NCKAP5: variants seen among roughly 807,000 people sequenced by gnomAD.
NCKAP5 encodes the protein NCK associated protein 5.
NCKAP5 carries 92 observed loss-of-function variants against 167.0 expected under a neutral mutation model. The observed-to-expected ratio is 0.55, with a 90% CI of 0.47 to 0.66. The LOEUF (loss-of-function observed/expected upper bound fraction) is 0.66, where lower values mean the gene tolerates loss of function less well. Among genes scored for constraint, NCKAP5 ranks in the 30% least tolerant of loss-of-function variants. The pLI is 0.00. For synonymous variants in NCKAP5, 891 were observed against 877.4 expected, an observed-to-expected ratio of 1.02 and a Z score of -0.27; for missense variants, 2,378 against 2,315.0, an observed-to-expected ratio of 1.03 and a Z score of -0.56.
chr2:132,921,773 C>T (rs1695451318), intron 8 of NCKAP5, among the ~76,000 whole-genome samples: 1 of 152,132 alleles, frequency 6.6e-6, no homozygotes, highest in Admixed American at 6.5e-5. Flanking sequence ...AGTCACTGTT[C>T]CTGTGATTTG....
the NCKAP5 span, among the ~76,000 whole-genome samples, chr2:133,670,268 T>C: frequency 6.6e-6 from 1 of 152,226 alleles, no homozygotes; most frequent in Non-Finnish European, 1.5e-5. Context: ...GGGCTTATAA[T>C]AAGCCCTCAG....
chr2:133,240,368 T>A (rs2087627360), intron 4 of NCKAP5, among the ~76,000 whole-genome samples: 1 of 152,160 alleles, frequency 6.6e-6, no homozygotes, highest in Non-Finnish European at 1.5e-5. Flanking sequence ...ATCACAGAAG[T>A]GACAAAACTT....
intron 17 of NCKAP5, among the ~76,000 whole-genome samples, chr2:132,729,401 T>C (rs1236302546): frequency 6.6e-6 from 1 of 152,210 alleles, no homozygotes; most frequent in East Asian, 1.9e-4. Context: ...TCCTCAAACA[T>C]AGGGAACCCC....
At chr2:132,939,258 C>T (rs1697097091) in intron 8 of NCKAP5, among the ~76,000 whole-genome samples, 1 of 152,194 alleles carries the variant, frequency 6.6e-6, no homozygotes, top group South Asian at 2.1e-4. Context: ...GGGCAGTACA[C>T]TATAATTAGA....
At chr2:133,148,862 C>T (rs1421247958) in intron 5 of NCKAP5, among the ~76,000 whole-genome samples, 1 of 152,116 alleles carries the variant, frequency 6.6e-6, no homozygotes, top group African/African-American at 2.4e-5. Context: ...ATGAGAGTTT[C>T]AACATTCGAA....
intron 3 of NCKAP5, among the ~76,000 whole-genome samples, chr2:133,345,136 T>C (rs1683879526): frequency 6.6e-6 from 1 of 152,048 alleles, no homozygotes; most frequent in Admixed American, 6.6e-5. Flanking sequence ...GCTCTCCCTA[T>C]TTCTGAAGGT....
chr2:133,406,124 T>A (rs1283239470), intron 3 of NCKAP5, among the ~76,000 whole-genome samples: 1 of 152,168 alleles, frequency 6.6e-6, no homozygotes, highest in East Asian at 1.9e-4. Context: ...CATCAATAAG[T>A]CAACAGCAGT....
intron 8 of NCKAP5, among the ~76,000 whole-genome samples, chr2:132,879,629 C>T (rs1691593509): frequency 6.6e-6 from 1 of 152,190 alleles, no homozygotes; most frequent in Admixed American, 6.5e-5. Context: ...CCTCAGGTGA[C>T]CTGGTTCCAC....
chr2:133,411,652 C>T (rs1239518090), intron 3 of NCKAP5, among the ~76,000 whole-genome samples: 1 of 151,956 alleles, frequency 6.6e-6, no homozygotes, highest in Non-Finnish European at 1.5e-5. Context: ...AGGGAGGGTG[C>T]GGATATCTTT....
chr2:133,061,671 C>T (rs2080006949), intron 6 of NCKAP5, among the ~76,000 whole-genome samples: 1 of 152,170 alleles, frequency 6.6e-6, no homozygotes, highest in African/African-American at 2.4e-5. Context: ...GACGGAACTG[C>T]CAAACCTCCT....
chr2:132,673,410 A>G (rs2104955345), intron 19 of NCKAP5, 105 bp from the exon 20 acceptor site: 1 of 907,358 alleles, frequency 1.1e-6, no homozygotes, highest in South Asian at 2.7e-5. Context: ...TTAAAGGGAC[A>G]GAGAAAACCT....
chr2:133,045,967 C>T (rs1234692267), intron 6 of NCKAP5, among the ~76,000 whole-genome samples: 1 of 152,178 alleles, frequency 6.6e-6, no homozygotes, highest in Non-Finnish European at 1.5e-5. Flanking sequence ...CGTGGCTATG[C>T]AATGACTAAC....
chr2:132,995,342 T>TA (rs2077563447), intron 6 of NCKAP5, among the ~76,000 whole-genome samples: 1 of 152,198 alleles, frequency 6.6e-6, no homozygotes, highest in Non-Finnish European at 1.5e-5. Context: ...TATAAGTTTT[T>TA]AAAAATTGTT....
At chr2:132,789,511 A>G (rs1683874275) in intron 13 of NCKAP5, among the ~76,000 whole-genome samples, 1 of 152,190 alleles carries the variant, frequency 6.6e-6, no homozygotes, top group African/African-American at 2.4e-5. Flanking sequence ...AAAACCATGA[A>G]CTAAATTTAT....
At chr2:133,360,882 G>A (rs543333886) in intron 3 of NCKAP5, among the ~76,000 whole-genome samples, 1 of 151,646 alleles carries the variant, frequency 6.6e-6, no homozygotes, top group South Asian at 2.1e-4. Context: ...AATTAGAGTG[G>A]AGAAGGAATT....
At chr2:132,942,310 TAAAAA>T (rs911850008) in intron 8 of NCKAP5, among the ~76,000 whole-genome samples, 1 of 152,142 alleles carries the variant, frequency 6.6e-6, no homozygotes, top group Non-Finnish European at 1.5e-5. Context: ...GAAAACTTGT[TAAAAA>T]AATTTATTGC....
chr2:133,094,917 C>T (rs1216389610), intron 6 of NCKAP5, among the ~76,000 whole-genome samples: 1 of 152,036 alleles, frequency 6.6e-6, no homozygotes, highest in Non-Finnish European at 1.5e-5. Context: ...TAGAGTAGCC[C>T]CCTCTGAGAG....
intron 11 of NCKAP5, among the ~76,000 whole-genome samples, chr2:132,801,704 T>C (rs1474475283): frequency 2.0e-5 from 3 of 152,164 alleles, no homozygotes; most frequent in African/African-American, 4.8e-5. Flanking sequence ...GACTATACAT[T>C]GGGTCGGTAA....
chr2:132,705,525 T>C (rs1004975909), intron 19 of NCKAP5, among the ~76,000 whole-genome samples: 1 of 152,190 alleles, frequency 6.6e-6, no homozygotes, highest in Non-Finnish European at 1.5e-5. Context: ...TGATCTCTTC[T>C]TTCCCCTTGA....
Sources: allele counts gnomAD v4.1 joint callset (sites outside exome capture counted in the v4.1 genomes callset), GRCh38; gene constraint gnomAD v4.1.1; transcripts MANE v1.5; gene names NCBI Gene and HGNC (gene_info 2026-07-23, HGNC 2026-07-21).